The following ZNF250 variants were observed in gnomAD, a reference collection of about 807,000 sequenced individuals.
ZNF250 encodes zinc finger protein 250, also known as zinc finger protein (clone 647).
Under a neutral mutation model 37.1 loss-of-function variants are expected in ZNF250, and 13 were observed. The ratio of observed to expected loss-of-function variants is 0.35; its 90% CI spans 0.23 to 0.56. ZNF250 has a LOEUF of 0.56. ZNF250 is among the 20% of genes least tolerant of loss of function. ZNF250 has a pLI of 0.87. For synonymous variants in ZNF250, 251 were observed against 265.6 expected, an observed-to-expected ratio of 0.94 and a Z score of 0.54; for missense variants, 474 against 697.9, an observed-to-expected ratio of 0.68 and a Z score of 3.61.
chr8:144,899,254 G>A (rs910319155), intron 1 of ZNF250, among the ~76,000 whole-genome samples: 1 of 152,062 alleles, frequency 6.6e-6, no homozygotes, highest in African/African-American at 2.4e-5. Flanking sequence ...GGTATGAGAT[G>A]AATAGAAGTG....
At position 144,882,142 on chromosome 8, in the gene ZNF250, C is replaced by T. The variant is rs1831526140; in HGVS notation, c.1041G>A (p.Arg347=). ...GGATCCTCTGGTGCTGCAGCAGTGT[C>T]CTCTTCACACTGAAGGTTTTCCCAC... ...NECGKTFSVK[R]TLLQHQRIHT... is the part of the protein sequence containing the mutation. The change falls in exon 6 of 6, where the codon AGG becomes AGA. Residue 347 remains arginine (R), a synonymous_variant. Coordinates refer to ENST00000417550, the MANE Select transcript of ZNF250 (RefSeq NM_001109689.4). The surrounding 1 kb of genome is among the most constrained non-coding windows in gnomAD (Gnocchi z 5.5). 1 of 1,612,400 alleles carries T rather than the reference C, an allele frequency of 6.2e-7. No homozygotes were observed. The highest frequency in any genetic ancestry group is 8.5e-7 in the Non-Finnish European group (1 of 1,179,478).
Position 144,889,620 on chromosome 8 carries a change from C to T in ZNF250, c.244G>A (p.Gly82Arg). The T allele has an allele frequency of 6.2e-7, 1 of 1,614,008 alleles. No individual in the cohort carries two copies. Residue 82 changes from glycine to arginine, a missense_variant, in exon 4 of 6, where the codon GGG (glycine) becomes AGG (arginine). This residue lies in a region of ZNF250 where 192 missense variants were observed against 227.5 expected (regional missense o/e 0.84). Transcript: ENST00000417550. ...CACAGGCCCTGGCTCTTCTTAGCCC[C>T]CTTCCTGTCCAGGACCCAGGGATCT... ...GEDPWVLDRKGAKKSQGLWSD... is the reference protein window; with the variant it reads ...GEDPWVLDRKRAKKSQGLWSD...
chr8:144,900,247 C>T (rs369669787), intron 1 of ZNF250, among the ~76,000 whole-genome samples: 1 of 152,136 alleles, frequency 6.6e-6, no homozygotes, highest in African/African-American at 2.4e-5. Context: ...CCCACCCTTA[C>T]CCACTTCGTA....
chr8:144,887,140 C>T (rs756803634), intron 4 of ZNF250, among the ~76,000 whole-genome samples: 1 of 150,508 alleles, frequency 6.6e-6, no homozygotes, highest in Non-Finnish European at 1.5e-5. Flanking sequence ...GTCCCCACTA[C>T]TAGGGAAGCT....
intron 4 of ZNF250, among the ~76,000 whole-genome samples, chr8:144,889,004 G>A (rs182358974): frequency 2.0e-5 from 3 of 152,188 alleles, no homozygotes; most frequent in South Asian, 2.1e-4. Context: ...TCCTGACCTC[G>A]TGATCCACCC....
In ZNF250 at chr8:144,897,151, T is replaced by C. The variant is rs1335777288; in HGVS notation, c.-55+4248A>G. Reference sequence around the variant, plus strand: ...CTGTCATTCCAGAGGACCCTGCACATGGTCACACACTGGGACAGGCACATT... The same window carrying C: ...CTGTCATTCCAGAGGACCCTGCACACGGTCACACACTGGGACAGGCACATT... On this transcript the variant is annotated intron_variant, in intron 1 of 5. Coordinates refer to ENST00000417550, the MANE Select transcript of ZNF250 (RefSeq NM_001109689.4). This position sits in a 1 kb window ranked among gnomAD's most constrained non-coding sequence, Gnocchi z 5.2. Among the ~76,000 whole-genome samples, 1 of 152,132 alleles carries C rather than the reference T, an allele frequency of 6.6e-6. No individual in the cohort carries two copies. Among genetic ancestry groups the C allele is most frequent in the Non-Finnish European group, 1.5e-5 (1 of 68,016 alleles).
chr8:144,899,227 G>A (rs1410809737), intron 1 of ZNF250, among the ~76,000 whole-genome samples: 1 of 152,170 alleles, frequency 6.6e-6, no homozygotes, highest in African/African-American at 2.4e-5. Flanking sequence ...AGGATGGGAA[G>A]GGTGGGGTTG....
intron 5 of ZNF250, among the ~76,000 whole-genome samples, chr8:144,884,632 C>T (rs1831738842): frequency 6.6e-6 from 1 of 152,170 alleles, no homozygotes; most frequent in African/African-American, 2.4e-5. Flanking sequence ...TGCTTACACA[C>T]AAATGTCCTT....
chr8:144,896,954 A>G (rs1832766322), intron 1 of ZNF250, among the ~76,000 whole-genome samples: 1 of 152,232 alleles, frequency 6.6e-6, no homozygotes, highest in Non-Finnish European at 1.5e-5. Context: ...CAGGAATTTC[A>G]ATCTTGAAAA....
intron 4 of ZNF250, among the ~76,000 whole-genome samples, chr8:144,887,354 A>AGGT (rs1176567876): frequency 6.6e-6 from 1 of 151,558 alleles, no homozygotes; most frequent in Non-Finnish European, 1.5e-5. Flanking sequence ...AGGGCTGGGC[A>AGGT]GGTGCACACA....
rs141062104 is a variant in ZNF250, at chr8:144,881,861, G to T, written c.1322C>A (p.Thr441Asn). 1.2e-6 allele frequency: 2 copies of T among 1,614,058 alleles called. No individual in the cohort carries two copies. Among genetic ancestry groups the T allele is most frequent in the Non-Finnish European group, 1.7e-6 (2 of 1,180,002 alleles). Residue 441 changes from threonine (T) to asparagine (N), a missense_variant, in exon 6 of 6, where the codon ACT (threonine) becomes AAT (asparagine). By Grantham distance (65) the Thr-to-Asn change is moderately conservative. This residue lies in a region of ZNF250 where 282 missense variants were observed against 470.4 expected (regional missense o/e 0.60). Transcript: ENST00000417550. ...SHLIQHQRVH[T>N]GEKPYVCGEC... is the part of the protein sequence containing the mutation. ...ACCACACACATAGGGCTTCTCCCCA[G>T]TGTGGACTCTCTGGTGCTGGATCAG...
intron 1 of ZNF250, among the ~76,000 whole-genome samples, chr8:144,900,704 C>T (rs1397352573): frequency 2.6e-5 from 4 of 152,112 alleles, no homozygotes; most frequent in African/African-American, 9.7e-5. Context: ...ATAAGACACC[C>T]GGCAAGTAGC....
Position 144,890,154 on chromosome 8 carries a change from G to T in ZNF250, c.43-95C>A, listed in dbSNP as rs1044087705. 1 of 1,551,536 alleles carries T rather than the reference G, an allele frequency of 6.4e-7. No individual in the cohort carries two copies. The highest frequency in any genetic ancestry group is 8.7e-7 in the Non-Finnish European group (1 of 1,143,084). On this transcript the variant is annotated intron_variant, in intron 2 of 5. Transcript: ENST00000417550. The surrounding 1 kb of genome is among the most constrained non-coding windows in gnomAD (Gnocchi z 5.1). ...ACATGTGACATGAGCAGTTGGCAGT[G>T]GGGGGCTCTGTGAGCTGAGGTGGGT...
chr8:144,890,034 G>C lies in ZNF250; in HGVS notation c.68C>G (p.Ala23Gly). 2 of 1,613,144 alleles carry C rather than the reference G, an allele frequency of 1.2e-6. No individual in the cohort carries two copies. The highest frequency in any genetic ancestry group is 1.7e-6 in the Non-Finnish European group (2 of 1,179,544). Residue 23 changes from alanine to glycine, a missense_variant, in exon 3 of 6, where the codon GCT (alanine) becomes GGT (glycine). Transcript: ENST00000417550. The surrounding 1 kb of genome is among the most constrained non-coding windows in gnomAD (Gnocchi z 5.1). ...CCATTCATCCTGGGAGAGGAGCACA[G>C]CCACATCCTCGAAGGTCAGCTTGGC... ...PQAKLTFEDV[A>G]VLLSQDEWDR...
At chr8:144,896,472 G>A (rs1020922671) in intron 1 of ZNF250, among the ~76,000 whole-genome samples, 36 of 152,086 alleles carry the variant, frequency 2.4e-4, no homozygotes, top group African/African-American at 7.0e-4. Context: ...TCAGTTTCCT[G>A]GAACGAGCCT....
At chr8:144,898,654 A>G (rs1409835358) in intron 1 of ZNF250, among the ~76,000 whole-genome samples, 2 of 152,226 alleles carry the variant, frequency 1.3e-5, no homozygotes. Context: ...AAGAAACAAC[A>G]TACAGAATGG....
chr8:144,883,084 CCT>C (rs1050010411), intron 5 of ZNF250, among the ~76,000 whole-genome samples: 2 of 152,212 alleles, frequency 1.3e-5, no homozygotes, highest in African/African-American at 4.8e-5. Flanking sequence ...AGGTCACACC[CCT>C]GTGTGGAGTC....
Position 144,881,468 on chromosome 8 carries a change from T to C in ZNF250, c.*47A>G, listed in dbSNP as rs748210237. 11 of 1,530,368 alleles carry C rather than the reference T, an allele frequency of 7.2e-6. No individual in the cohort carries two copies. Among genetic ancestry groups the C allele is most frequent in the Non-Finnish European group, 9.7e-6 (11 of 1,137,906 alleles). 94.8% of individuals were successfully genotyped at this position (1,530,368 alleles called of 1,614,324 possible). A position where few individuals can be genotyped will look rare whatever the true frequency, so the allele number is the denominator to read the frequency against. On this transcript the variant is annotated 3_prime_UTR_variant, in exon 6 of 6. Transcript: ENST00000417550. ...CTCTTGGGCTGAAGGCTGCTTGTGG[T>C]TCCACATGCAGTTTCTGTGAGAATG...
chr8:144,882,565 A>C lies in ZNF250; in HGVS notation c.618T>G (p.Ser206Arg). Residue 206 changes from serine to arginine, a missense_variant, in exon 6 of 6, where the codon AGT becomes AGG. Ser to Arg is a moderately radical substitution (Grantham distance 110). This residue lies in a region of ZNF250 where 282 missense variants were observed against 470.4 expected (regional missense o/e 0.60). Transcript: ENST00000417550. The surrounding 1 kb of genome is among the most constrained non-coding windows in gnomAD (Gnocchi z 5.5). Reference protein sequence around the residue: ...CVECGKCFGRSSHLLQHQRIH... With the variant: ...CVECGKCFGRRSHLLQHQRIH... Reference sequence around the variant, plus strand: ...TACGCTGATGCTGAAGGAGGTGGGAACTCCGGCCAAAGCACTTCCCACACT... The same window carrying C: ...TACGCTGATGCTGAAGGAGGTGGGACCTCCGGCCAAAGCACTTCCCACACT... The C allele has an allele frequency of 1.9e-6, 3 of 1,613,516 alleles. No individual in the cohort carries two copies. The highest frequency in any genetic ancestry group is 2.5e-6 in the Non-Finnish European group (3 of 1,179,920).
Sources: gnomAD v4.1 joint callset for allele counts (sites outside exome capture counted in the v4.1 genomes callset) on GRCh38, gnomAD v4.1.1 for gene constraint, gnomAD v4.1.1 regional missense constraint, Gnocchi (gnomAD v3.1) non-coding constraint, MANE v1.5 for transcripts, NCBI Gene and HGNC (gene_info 2026-07-23, HGNC 2026-07-21) for gene names.